Variants in TVP23A observed in about 807,000 individuals in gnomAD.
The protein encoded by TVP23A is Golgi apparatus membrane protein TVP23 homolog A.
TVP23A carries 21 observed loss-of-function variants against 31.7 expected under a neutral mutation model. The observed-to-expected ratio is 0.66, with a 90% CI of 0.47 to 0.95. The LOEUF (loss-of-function observed/expected upper bound fraction) is 0.95. Ranked by LOEUF, TVP23A falls within the 40% of genes least tolerant of loss-of-function variation. TVP23A has a pLI of 0.00. For synonymous variants in TVP23A, 104 were observed against 96.0 expected, an observed-to-expected ratio of 1.08 and a Z score of -0.49; for missense variants, 279 against 255.6, an observed-to-expected ratio of 1.09 and a Z score of -0.62.
intron 2 of TVP23A, among the ~76,000 whole-genome samples, chr16:10,804,900 C>G (rs892070465): frequency 2.8e-4 from 42 of 152,002 alleles, no homozygotes; most frequent in African/African-American, 9.9e-4. Context: ...TTCCATCACT[C>G]CAAAGCAAAA....
intron 2 of TVP23A, among the ~76,000 whole-genome samples, chr16:10,800,799 C>T (rs1038030387): frequency 5.9e-5 from 9 of 152,052 alleles, no homozygotes; most frequent in African/African-American, 1.7e-4. Context: ...GCCTGGGCAA[C>T]ATGGCGAAAC....
intron 2 of TVP23A, among the ~76,000 whole-genome samples, chr16:10,787,907 T>G (rs1462571642): frequency 6.6e-6 from 1 of 152,142 alleles, no homozygotes; most frequent in East Asian, 1.9e-4. Flanking sequence ...AACATTTGCG[T>G]CAGATGCCGG....
chr16:10,782,014 A>T (rs963112560), intron 2 of TVP23A, among the ~76,000 whole-genome samples: 1 of 151,612 alleles, frequency 6.6e-6, no homozygotes, highest in Non-Finnish European at 1.5e-5. Context: ...GGTGCCTGCC[A>T]CCACACCTGG....
chr16:10,788,918 G>T (rs965022467), intron 2 of TVP23A, among the ~76,000 whole-genome samples: 3 of 152,182 alleles, frequency 2.0e-5, no homozygotes, highest in African/African-American at 7.2e-5. Flanking sequence ...CTCACTCTGA[G>T]CATGGGAACA....
chr16:10,757,994 C>T (rs1220429718), downstream of TVP23A: 4 of 1,613,992 alleles, frequency 2.5e-6, no homozygotes, highest in African/African-American at 2.7e-5. The surrounding 1 kb of genome is among the most constrained non-coding windows in gnomAD (Gnocchi z 4.1). Context: ...CCACAGCACA[C>T]ATCGATGGAG....
intron 2 of TVP23A, among the ~76,000 whole-genome samples, chr16:10,787,719 G>A (rs1273259683): frequency 6.6e-6 from 1 of 152,020 alleles, no homozygotes; most frequent in Non-Finnish European, 1.5e-5. Context: ...ACAGGAGAGA[G>A]AGCTGTTCTC....
At chr16:10,785,083 C>A (rs976106295) in intron 2 of TVP23A, among the ~76,000 whole-genome samples, 2 of 142,258 alleles carry the variant, frequency 1.4e-5, no homozygotes, top group Non-Finnish European at 3.0e-5. Context: ...GGTGACAAAG[C>A]GAGACTCCGT....
At position 10,811,429 on chromosome 16, in the gene TVP23A, T is replaced by C. The variant is rs549763028; in HGVS notation, c.89+6674A>G. ...GACTACAGGTGTGTGCCACCACGTC[T>C]GGCTACTTTTTGTATTTTCTGTAGA... On this transcript the variant is annotated intron_variant, in intron 2 of 7. Transcript: ENST00000299866. Among the ~76,000 whole-genome samples the C allele has an allele frequency of 3.2e-4, 48 of 152,160 alleles. 1 individual carries two copies. In the East Asian group the frequency reaches 8.9e-3, roughly 28 times the overall value.
At chr16:10,795,606 C>A (rs141049039) in intron 2 of TVP23A, among the ~76,000 whole-genome samples, 2 of 152,178 alleles carry the variant, frequency 1.3e-5, no homozygotes, top group East Asian at 3.9e-4. Flanking sequence ...CGCAGGGGAC[C>A]GAACTCATTA....
At chr16:10,806,595 G>A (rs1007988875) in intron 2 of TVP23A, among the ~76,000 whole-genome samples, 9 of 152,112 alleles carry the variant, frequency 5.9e-5, no homozygotes, top group East Asian at 3.9e-4. Context: ...TTTACCTCCC[G>A]GGTACAAGCA....
chr16:10,782,422 T>TTCTTAAACCTGTGCCACCAGC (rs1220284637), intron 2 of TVP23A, among the ~76,000 whole-genome samples: 3 of 152,200 alleles, frequency 2.0e-5, no homozygotes, highest in Non-Finnish European at 4.4e-5. Context: ...TGGTAAATTC[T>TTCTTAAACCTGTGCCACCAGC]TCTTAAACCT....
chr16:10,781,750 G>T (rs988892066), intron 2 of TVP23A, among the ~76,000 whole-genome samples: 1 of 151,858 alleles, frequency 6.6e-6, no homozygotes, highest in African/African-American at 2.4e-5. Context: ...GAGTCAGGTT[G>T]GCAGAAATGA....
chr16:10,818,392 C>A lies in TVP23A; in HGVS notation c.9+93G>T. The A allele has an allele frequency of 6.5e-7, 1 of 1,529,380 alleles. No homozygotes were observed. Among genetic ancestry groups the A allele is most frequent in the Non-Finnish European group, 8.8e-7 (1 of 1,130,822 alleles). 94.7% of individuals were successfully genotyped at this position (1,529,380 alleles called of 1,614,324 possible). ...GGTGCAGCCCAGCCCCAGGCCCCGG[C>A]GCATCCCTCCTCCTCCTCCCGGCTT... On this transcript the variant is annotated intron_variant, in intron 1 of 7. Transcript: ENST00000299866. The surrounding 1 kb of genome is among the most constrained non-coding windows in gnomAD (Gnocchi z 4.7).
At chr16:10,770,868 CAAAAAAAAAA>C (rs376701429) in intron 6 of TVP23A, among the ~76,000 whole-genome samples, 14 of 66,476 alleles carry the variant, frequency 2.1e-4, no homozygotes, top group South Asian at 4.9e-4. Flanking sequence ...ACTCCCATCT[CAAAAAAAAAA>C]AAAAAAAAAA....
intron 5 of TVP23A, among the ~76,000 whole-genome samples, chr16:10,772,750 G>A (rs1041785461): frequency 1.3e-5 from 2 of 151,922 alleles, no homozygotes; most frequent in East Asian, 3.8e-4. Flanking sequence ...GGGCTTGGAG[G>A]AACAGAAGCA....
At chr16:10,785,590 T>G (rs887374676) in intron 2 of TVP23A, among the ~76,000 whole-genome samples, 4 of 152,160 alleles carry the variant, frequency 2.6e-5, no homozygotes, top group Admixed American at 2.6e-4. Flanking sequence ...AAAGTTATTT[T>G]CCCAAGGTTG....
rs765648223 is a variant in TVP23A, at chr16:10,761,464, C to G, written c.*311G>C. 1.9e-6 allele frequency: 3 copies of G among 1,613,750 alleles called. No homozygotes were observed. In the African/African-American group the frequency reaches 4.0e-5, roughly 22 times the overall value. On this transcript the variant is annotated 3_prime_UTR_variant and NMD_transcript_variant, in exon 9 of 9. Coordinates refer to the TVP23A transcript ENST00000456096. The stretch of plus-strand genomic sequence containing the variant: ...GAGAACATGAGTGGCTTCATCTGTC[C>G]TAAGTGCAAGGTGAGGGCGCGTGGG...
At chr16:10,813,780 A>C (rs1180304952) in intron 2 of TVP23A, among the ~76,000 whole-genome samples, 1 of 151,970 alleles carries the variant, frequency 6.6e-6, no homozygotes, top group African/African-American at 2.4e-5. Flanking sequence ...CCAAGGCACT[A>C]GGATCACTCA....
Position 10,818,720 on chromosome 16 carries a change from G to T in TVP23A, c.-227C>A. The T allele has an allele frequency of 2.0e-6, 1 of 512,536 alleles. No individual in the cohort carries two copies. The allele number at this position is 512,536 out of a possible 1,614,324, so 31.7% of individuals were successfully genotyped here. ...TGGGGAGGGGGCTCGGCTCGCCGGG[G>T]ACGCGCCCAGGAGAGAAAGCGGCGG... On this transcript the variant is annotated 5_prime_UTR_variant, in exon 1 of 8. Coordinates refer to ENST00000299866, the MANE Select transcript of TVP23A (RefSeq NM_001079512.4). The surrounding 1 kb of genome is among the most constrained non-coding windows in gnomAD (Gnocchi z 4.7).
Sources: gnomAD v4.1 joint callset for allele counts (sites outside exome capture counted in the v4.1 genomes callset) on GRCh38, gnomAD v4.1.1 for gene constraint, Gnocchi (gnomAD v3.1) non-coding constraint, MANE v1.5 for transcripts, NCBI Gene and HGNC (gene_info 2026-07-23, HGNC 2026-07-21) for gene names.